Variants in TNS3 observed in about 807,000 individuals in gnomAD.
The protein encoded by TNS3 is tensin-3.
A neutral mutation model predicts 140.9 loss-of-function variants in TNS3; 45 were observed. The observed-to-expected ratio is 0.32, with a 90% CI of 0.25 to 0.41. TNS3 has a LOEUF of 0.41. Ranked by LOEUF, TNS3 falls within the 10% of genes least tolerant of loss-of-function variation. The probability of loss-of-function intolerance (pLI) is 1.00; values close to 1 mark genes in which losing one functional copy is unlikely to be tolerated. For missense variants in TNS3, 1,716 were observed against 1,906.7 expected (o/e 0.90, Z 1.86); for synonymous variants, 815 against 788.4 (o/e 1.03, Z -0.56).
chr7:47,479,297 C>T (rs1243724665), intron 4 of TNS3, among the ~76,000 whole-genome samples: 2 of 152,226 alleles, frequency 1.3e-5, no homozygotes, highest in African/African-American at 4.8e-5. Flanking sequence ...GTGGGAGAGC[C>T]TCAGCTGCCA....
At chr7:47,322,239 A>G (rs909227609) in intron 20 of TNS3, among the ~76,000 whole-genome samples, 1 of 150,472 alleles carries the variant, frequency 6.6e-6, no homozygotes, top group Non-Finnish European at 1.5e-5. Flanking sequence ...AAAAAAAAGC[A>G]AAGGCCAGGT....
rs143050137 is a variant in TNS3, at chr7:47,407,903, T to C, written c.723+3824A>G. Among the ~76,000 whole-genome samples, 964 of 152,132 alleles carry C rather than the reference T, an allele frequency of 6.3e-3. 5 individuals carry two copies. The highest frequency in any genetic ancestry group is 0.021 in the African/African-American group (892 of 41,490). On this transcript the variant is annotated intron_variant, in intron 13 of 30. Coordinates refer to ENST00000311160, the MANE Select transcript of TNS3 (RefSeq NM_022748.12). The surrounding 1 kb of genome is among the most constrained non-coding windows in gnomAD (Gnocchi z 4.1). The stretch of plus-strand genomic sequence containing the variant: ...CAGGACTGTGGGAGAATCACCTCTG[T>C]TGTTTAAGCTGAGACCAAAGGGTGA...
At position 47,368,755 on chromosome 7, in the gene TNS3, G is replaced by A. The variant is rs751407791; in HGVS notation, c.1891C>T (p.Leu631Phe). 5.0e-6 allele frequency: 8 copies of A among 1,587,510 alleles called. No homozygotes were observed. Among genetic ancestry groups the A allele is most frequent in the East Asian group, 2.2e-5 (1 of 44,636 alleles). ...CTGCTGGTCCCTCGGGTGGGGGTGA[G>A]TGGCACTCTGGGCTGGGCCTGGACG... is the stretch of plus-strand genomic sequence containing the variant. Reference protein sequence around the residue: ...GLVQAQPRVPLTPTRGTSSRV... With the variant: ...GLVQAQPRVPFTPTRGTSSRV... The change falls in exon 17 of 31, where the codon CTC (leucine) becomes TTC (phenylalanine). Residue 631 changes from leucine (L) to phenylalanine (F), a missense_variant. By Grantham distance (22) the Leu-to-Phe change is conservative. This residue lies in a region of TNS3 where 1,163 missense variants were observed against 1,182.1 expected (regional missense o/e 0.98). Coordinates refer to ENST00000311160, the MANE Select transcript of TNS3 (RefSeq NM_022748.12).
At position 47,400,844 on chromosome 7, in the gene TNS3, C is replaced by G. The variant is rs1200684795; in HGVS notation, c.794G>C (p.Gly265Ala). 1 of 1,614,150 alleles carries G rather than the reference C, an allele frequency of 6.2e-7. No homozygotes were observed. Among genetic ancestry groups the G allele is most frequent in the Non-Finnish European group, 8.5e-7 (1 of 1,180,064 alleles). ...DVIFRLQFHT[G>A]AVQGYGLVFG... is the part of the protein sequence containing the mutation. Reference sequence around the variant, plus strand: ...CACCAGCCCGTAGCCCTGCACAGCCCCAGTGTGAAACTGCAGGCGGAAAAT... The same window carrying G: ...CACCAGCCCGTAGCCCTGCACAGCCGCAGTGTGAAACTGCAGGCGGAAAAT... The change falls in exon 14 of 31, where the codon GGG becomes GCG. Residue 265 changes from glycine to alanine, a missense_variant. By Grantham distance (60) the Gly-to-Ala change is moderately conservative. Around this residue, in one of 3 missense-constraint regions of TNS3, gnomAD observed 337 missense variants for 428.9 expected, o/e 0.79. Coordinates refer to ENST00000311160, the MANE Select transcript of TNS3 (RefSeq NM_022748.12).
chr7:47,491,407 C>T (rs1056292796), intron 3 of TNS3, among the ~76,000 whole-genome samples: 3 of 152,160 alleles, frequency 2.0e-5, no homozygotes, highest in African/African-American at 7.2e-5. Context: ...TCTGTGAACT[C>T]AATTTTCCTC....
At chr7:47,386,822 A>G (rs1399230734) in intron 16 of TNS3, among the ~76,000 whole-genome samples, 1 of 152,256 alleles carries the variant, frequency 6.6e-6, no homozygotes, top group East Asian at 1.9e-4. Context: ...ATAACAGCAC[A>G]AGCTGCCATT....
chr7:47,430,094 G>A (rs1704967), intron 8 of TNS3, among the ~76,000 whole-genome samples: 126,218 of 151,582 alleles, frequency 0.83, 52,832 homozygotes, highest in Admixed American at 0.9. Context: ...ATTTATGGAT[G>A]TATAAAGCAA....
intron 1 of TNS3, among the ~76,000 whole-genome samples, chr7:47,564,732 C>CATAT (rs147362955): frequency 4.7e-5 from 7 of 149,390 alleles, no homozygotes; most frequent in Non-Finnish European, 8.9e-5. Context: ...CATGTATACG[C>CATAT]ATATATATAT....
intron 1 of TNS3, among the ~76,000 whole-genome samples, chr7:47,564,641 AAAAAAAAACAAAAAAAAAC>A (rs1372794617): frequency 2.3e-5 from 1 of 44,154 alleles, no homozygotes; most frequent in Non-Finnish European, 4.8e-5. Context: ...GTCTCAAAAA[AAAAAAAAACAAAAAAAAAC>A]AAAAAAAGAC....
At chr7:47,567,823 C>T (rs1375460318) in intron 1 of TNS3, among the ~76,000 whole-genome samples, 1 of 152,014 alleles carries the variant, frequency 6.6e-6, no homozygotes, top group Non-Finnish European at 1.5e-5. Context: ...ATATCATGTT[C>T]ATGAACTGGA....
Position 47,379,278 on chromosome 7 carries a change from A to G in TNS3, c.1025-9657T>C, listed in dbSNP as rs138532112. On this transcript the variant is annotated intron_variant, in intron 16 of 30. Transcript: ENST00000311160. ...GAGGTTCCTTCTCAAGGGGCGTTGT[A>G]TTATCTTACCCATAGCATATGCAAA... Among the ~76,000 whole-genome samples, 570 of 152,296 alleles carry G rather than the reference A, an allele frequency of 3.7e-3. 4 individuals carry two copies. The highest frequency in any genetic ancestry group is 0.013 in the African/African-American group (538 of 41,562).
intron 10 of TNS3, among the ~76,000 whole-genome samples, chr7:47,419,759 C>T (rs1794273524): frequency 3.9e-5 from 6 of 152,180 alleles, no homozygotes; most frequent in Admixed American, 3.9e-4. Flanking sequence ...TGACAACTGA[C>T]AGCTCTACCT....
At chr7:47,513,805 T>C (rs1195286756) in intron 2 of TNS3, among the ~76,000 whole-genome samples, 1 of 152,242 alleles carries the variant, frequency 6.6e-6, no homozygotes, top group Non-Finnish European at 1.5e-5. Flanking sequence ...CCCCTTCTCG[T>C]GGCTTTGCCT....
intron 25 of TNS3, among the ~76,000 whole-genome samples, chr7:47,293,503 G>A (rs4512293): frequency 0.27 from 41,579 of 152,118 alleles, 6,027 homozygotes; most frequent in East Asian, 0.47. Context: ...TAATTCCTAC[G>A]TCTGATATGG....
At chr7:47,539,363 G>C (rs1027795034) in intron 1 of TNS3, 2 of 340,134 alleles carry the variant, frequency 5.9e-6, no homozygotes, top group Non-Finnish European at 1.2e-5. Flanking sequence ...AACAAATATC[G>C]TGCGTGTGAT....
intron 3 of TNS3, among the ~76,000 whole-genome samples, chr7:47,482,301 T>G (rs1446676767): frequency 6.6e-6 from 1 of 152,228 alleles, no homozygotes; most frequent in Non-Finnish European, 1.5e-5. Context: ...CTTGCTTATC[T>G]TACGCAGTCC....
intron 4 of TNS3, among the ~76,000 whole-genome samples, chr7:47,448,699 C>A (rs886425429): frequency 6.6e-6 from 1 of 152,138 alleles, no homozygotes; most frequent in East Asian, 1.9e-4. Flanking sequence ...AGGCTGCTCT[C>A]GAACTCCTGA....
chr7:47,417,345 C>T (rs1485215522), intron 10 of TNS3, among the ~76,000 whole-genome samples: 1 of 152,216 alleles, frequency 6.6e-6, no homozygotes, highest in Non-Finnish European at 1.5e-5. Context: ...TGACACCAGA[C>T]GAAGCACGAG....
intron 17 of TNS3, among the ~76,000 whole-genome samples, chr7:47,361,503 G>A: frequency 6.7e-6 from 1 of 149,596 alleles, no homozygotes; most frequent in African/African-American, 2.4e-5. Flanking sequence ...GAAATGAGGT[G>A]GGACTGTCTG....
Sources: allele counts gnomAD v4.1 joint callset (sites outside exome capture counted in the v4.1 genomes callset), GRCh38; gene constraint gnomAD v4.1.1; regional missense constraint gnomAD v4.1.1; non-coding constraint Gnocchi (gnomAD v3.1); transcripts MANE v1.5; gene names NCBI Gene and HGNC (gene_info 2026-07-23, HGNC 2026-07-21).